The following PRUNE2 variants were observed in gnomAD, a reference collection of about 807,000 sequenced individuals.
PRUNE2 encodes the protein prune homolog 2 with BCH domain, also known as protein prune homolog 2.
PRUNE2 carries 164 observed loss-of-function variants against 252.0 expected under a neutral mutation model. The observed-to-expected ratio is 0.65, with a 90% CI of 0.57 to 0.74. The LOEUF (loss-of-function observed/expected upper bound fraction) is 0.74, where lower values mean the gene tolerates loss of function less well. PRUNE2 is among the 30% of genes least tolerant of loss of function. PRUNE2 has a pLI of 0.00. For synonymous variants in PRUNE2, 1,292 were observed against 1,350.2 expected (o/e 0.96, Z 0.94); for missense variants, 3,495 against 3,711.0 (o/e 0.94, Z 1.51).
At chr9:76,826,111 G>T (rs1279349134) in intron 5 of PRUNE2, among the ~76,000 whole-genome samples, 1 of 152,168 alleles carries the variant, frequency 6.6e-6, no homozygotes, top group Admixed American at 6.5e-5. Context: ...ATTTGCAGGG[G>T]AGTCAACATT....
chr9:76,653,320 T>G (rs1272997513), intron 10 of PRUNE2, among the ~76,000 whole-genome samples: 6 of 152,172 alleles, frequency 3.9e-5, no homozygotes, highest in Non-Finnish European at 5.9e-5. Context: ...TGGTGGAAAC[T>G]AAAATGTACA....
chr9:76,900,270 C>T (rs1482907663), intron 1 of PRUNE2, among the ~76,000 whole-genome samples: 1 of 152,144 alleles, frequency 6.6e-6, no homozygotes, highest in Non-Finnish European at 1.5e-5. Flanking sequence ...GCAAAGTAGG[C>T]ATCACTTATT....
chr9:76,647,010 G>A (rs974695586), intron 11 of PRUNE2, among the ~76,000 whole-genome samples: 13 of 152,036 alleles, frequency 8.6e-5, no homozygotes, highest in Non-Finnish European at 1.8e-4. Flanking sequence ...GCAACATGGC[G>A]AAACCCAGTC....
chr9:76,823,755 T>C (rs746919004), intron 5 of PRUNE2, 29 bp from the exon 6 acceptor site: 1 of 1,379,296 alleles, frequency 7.3e-7, no homozygotes, highest in South Asian at 1.2e-5. Context: ...AAAAACATTA[T>C]GTTATACTTG....
At chr9:76,734,209 AG>A (rs2048881144) in intron 6 of PRUNE2, among the ~76,000 whole-genome samples, 8 of 152,276 alleles carry the variant, frequency 5.3e-5, no homozygotes, top group Admixed American at 5.2e-4. Flanking sequence ...GGGGCTGGGT[AG>A]ATGTTTGTAA....
chr9:76,746,731 A>G, intron 6 of PRUNE2, among the ~76,000 whole-genome samples: 1 of 150,586 alleles, frequency 6.6e-6, no homozygotes, highest in East Asian at 1.9e-4. Context: ...AAAAAAAAAA[A>G]AAAAAAAAAA....
Position 76,905,979 on chromosome 9 carries a change from TTGGAACCCGGGTACTCGGAGGGGCGCAG to T in PRUNE2, c.-44_-17del. The T allele has an allele frequency of 6.2e-7, 1 of 1,614,112 alleles. No individual in the cohort carries two copies. Among genetic ancestry groups the T allele is most frequent in the Non-Finnish European group, 8.5e-7 (1 of 1,179,958 alleles). ...ATTCTTCCATGTCGTGGCTAGGGGT[TTGGAACCCGGGTACTCGGAGGGGCGCAG>T]TGGAAAATCTCGGCCCAAGGAAGAC... On this transcript the variant is annotated 5_prime_UTR_variant, in exon 1 of 19. Transcript: ENST00000376718.
At chr9:76,865,916 T>C (rs1262550803) in intron 1 of PRUNE2, among the ~76,000 whole-genome samples, 1 of 151,974 alleles carries the variant, frequency 6.6e-6, no homozygotes, top group Non-Finnish European at 1.5e-5. Context: ...ATTAAAATGA[T>C]TTTATAAAGT....
At chr9:76,851,440 T>A (rs548321886) in intron 2 of PRUNE2, among the ~76,000 whole-genome samples, 1 of 151,696 alleles carries the variant, frequency 6.6e-6, no homozygotes, top group Non-Finnish European at 1.5e-5. Flanking sequence ...CCCAGCTACT[T>A]GGGAGGCTGA....
chr9:76,709,305 A>C lies in PRUNE2; in HGVS notation c.2969T>G (p.Phe990Cys). 6.2e-7 allele frequency: 1 copy of C among 1,613,932 alleles called. No homozygotes were observed. ...GDEKETEHKP[F>C]AKEEGFESKD... ...TGACTCAAAACCTTCCTCTTTAGCAAATGGCTTGTGTTCAGTTTCCTTTTC... is the reference window on the plus strand; with the variant it reads ...TGACTCAAAACCTTCCTCTTTAGCACATGGCTTGTGTTCAGTTTCCTTTTC... The change falls in exon 8 of 19, where the codon TTT (phenylalanine) becomes TGT (cysteine). Residue 990 changes from phenylalanine (F) to cysteine (C), a missense_variant. Physicochemically the swap from Phe to Cys is radical, Grantham distance 205. Transcript: ENST00000376718.
At chr9:76,653,603 C>G (rs956171330) in intron 10 of PRUNE2, among the ~76,000 whole-genome samples, 1 of 152,056 alleles carries the variant, frequency 6.6e-6, no homozygotes, top group East Asian at 1.9e-4. Context: ...ATTTTCTAAT[C>G]GTTTGTGTTG....
chr9:76,644,217 C>T (rs1018490897), intron 12 of PRUNE2, among the ~76,000 whole-genome samples: 4 of 152,072 alleles, frequency 2.6e-5, no homozygotes, highest in Non-Finnish European at 5.9e-5. Flanking sequence ...TGGCTGTTGT[C>T]AGGCCTAGAT....
At chr9:76,629,390 G>A in intron 15 of PRUNE2, 100 bp from the exon 16 acceptor site, 1 of 587,196 alleles carries the variant, frequency 1.7e-6, no homozygotes, top group Non-Finnish European at 2.9e-6. Context: ...TTAACACCTT[G>A]CCACAGCACT....
At chr9:76,688,781 C>T (rs908893644) in intron 9 of PRUNE2, among the ~76,000 whole-genome samples, 2 of 152,206 alleles carry the variant, frequency 1.3e-5, no homozygotes, top group African/African-American at 4.8e-5. Flanking sequence ...TTCCTTGTTG[C>T]AGCCTCAGGG....
At chr9:76,722,892 A>G (rs975918364) in intron 6 of PRUNE2, among the ~76,000 whole-genome samples, 1 of 152,194 alleles carries the variant, frequency 6.6e-6, no homozygotes, top group Non-Finnish European at 1.5e-5. Context: ...ATCCCTCCTC[A>G]CCAAAGATAT....
chr9:76,709,233 G>GACTGTTGCAGTA lies in PRUNE2; in HGVS notation c.3040_3041insTACTGCAACAGT (p.Gln1013_Ser1014insLeuLeuGlnGln). 1 of 1,613,778 alleles carries GACTGTTGCAGTA rather than the reference G, an allele frequency of 6.2e-7. No individual in the cohort carries two copies. The highest frequency in any genetic ancestry group is 8.5e-7 in the Non-Finnish European group (1 of 1,179,766). ...TCGATTTCGAGATGACTGTTGCAGT[G>GACTGTTGCAGTA]ACTGAGGAGGAATGTCAGTCTCCTC... On this transcript the variant is annotated inframe_insertion, in exon 8 of 19. Coordinates refer to ENST00000376718, the MANE Select transcript of PRUNE2 (RefSeq NM_015225.3).
At chr9:76,738,807 T>C (rs961395655) in intron 6 of PRUNE2, 2 of 152,188 alleles carry the variant, frequency 1.3e-5, no homozygotes, top group African/African-American at 4.8e-5. Flanking sequence ...GTAACCTCTG[T>C]TTAGAAGTCT....
At chr9:76,630,841 C>A (rs1837326032) in intron 15 of PRUNE2, among the ~76,000 whole-genome samples, 2 of 152,156 alleles carry the variant, frequency 1.3e-5, no homozygotes, top group Admixed American at 1.3e-4. Flanking sequence ...TTTCTTATTA[C>A]TTGTGTAATG....
In PRUNE2 at chr9:76,705,986, G is replaced by C; in HGVS notation, c.6288C>G (p.Asp2096Glu). 1 of 1,613,984 alleles carries C rather than the reference G, an allele frequency of 6.2e-7. No homozygotes were observed. The highest frequency in any genetic ancestry group is 8.5e-7 in the Non-Finnish European group (1 of 1,179,862). Residue 2096 changes from aspartate to glutamate, a missense_variant, in exon 8 of 19, where the codon GAC becomes GAG. By Grantham distance (45) the Asp-to-Glu change is conservative. Transcript: ENST00000376718. ...NPDILTHCEH[D>E]SNSQASDSPD... ...GGCTGTCGGAAGCCTGAGAATTGCT[G>C]TCATGTTCGCAGTGCGTCAGGATAT...
Sources: allele counts gnomAD v4.1 joint callset (sites outside exome capture counted in the v4.1 genomes callset), GRCh38; gene constraint gnomAD v4.1.1; transcripts MANE v1.5; gene names NCBI Gene and HGNC (gene_info 2026-07-23, HGNC 2026-07-21).